The following AVL9 variants were observed in gnomAD, a reference collection of about 807,000 sequenced individuals.
The protein encoded by AVL9 is AVL9 cell migration associated, also known as late secretory pathway protein AVL9 homolog.
In AVL9, 49 loss-of-function variants were observed where a neutral mutation model predicts 79.2. The ratio of observed to expected loss-of-function variants is 0.62; its 90% CI spans 0.49 to 0.79. The LOEUF is 0.79. Ranked by LOEUF, AVL9 falls within the 30% of genes least tolerant of loss-of-function variation. The probability of loss-of-function intolerance (pLI) is 0.00; values close to 1 mark genes in which losing one functional copy is unlikely to be tolerated. For missense variants in AVL9, 682 were observed against 776.8 expected (o/e 0.88, Z 1.45); for synonymous variants, 299 against 280.6 (o/e 1.07, Z -0.65).
intron 11 of AVL9, among the ~76,000 whole-genome samples, chr7:32,570,544 C>T (rs371866462): frequency 5.3e-5 from 8 of 152,120 alleles, no homozygotes; most frequent in Admixed American, 6.5e-5. Flanking sequence ...GATACCAAGA[C>T]GAAAGCTAGG....
At chr7:32,562,710 C>A in intron 10 of AVL9, 1 of 673,276 alleles carries the variant, frequency 1.5e-6, no homozygotes, top group Non-Finnish European at 1.8e-6. Context: ...TGCTTGAAAC[C>A]AGGATCTAGA....
At chr7:32,532,061 T>C (rs1788683338) in intron 1 of AVL9, 1 of 151,992 alleles carries the variant, frequency 6.6e-6, no homozygotes, top group Non-Finnish European at 1.5e-5. Flanking sequence ...AATTGAAGGG[T>C]GGTAAATGCA....
intron 11 of AVL9, among the ~76,000 whole-genome samples, chr7:32,570,951 T>C (rs1263254893): frequency 7.2e-6 from 1 of 139,832 alleles, no homozygotes; most frequent in South Asian, 2.5e-4. Context: ...TTTATGAGGC[T>C]CGGCGCAGTG....
In AVL9 at chr7:32,549,285, C is replaced by T. The variant is rs1022833629; in HGVS notation, c.372+367C>T. On this transcript the variant is annotated intron_variant, in intron 4 of 15. Transcript: ENST00000318709. Reference sequence around the variant, plus strand: ...TGTTGCCCAGGCTGGAGTGTGGTGGCGTGACCTTGGCTTACTGCAACCTCT... The same window carrying T: ...TGTTGCCCAGGCTGGAGTGTGGTGGTGTGACCTTGGCTTACTGCAACCTCT... Among the ~76,000 whole-genome samples the T allele has an allele frequency of 3.3e-5, 5 of 149,872 alleles. No homozygotes were observed. The East Asian group carries it at 5.9e-4, about 18-fold the overall frequency.
intron 14 of AVL9, 163 bp from the exon 15 acceptor site, chr7:32,580,639 A>C: frequency 3.3e-6 from 2 of 605,208 alleles, no homozygotes; most frequent in Non-Finnish European, 5.9e-6. Context: ...AAGGTTAATA[A>C]ATTAATTCAT....
chr7:32,519,188 G>T (rs1788033333), intron 1 of AVL9, among the ~76,000 whole-genome samples: 1 of 152,304 alleles, frequency 6.6e-6, no homozygotes, highest in African/African-American at 2.4e-5. Flanking sequence ...CAGCACTTTG[G>T]GAGGCCGAGG....
At chr7:32,513,263 G>A (rs1210969014) in intron 1 of AVL9, among the ~76,000 whole-genome samples, 1 of 152,162 alleles carries the variant, frequency 6.6e-6, no homozygotes. Context: ...CTCAGCCAGG[G>A]CACCCTAAAA....
At chr7:32,571,092 CATG>C (rs918791558) in intron 11 of AVL9, among the ~76,000 whole-genome samples, 40 of 149,574 alleles carry the variant, frequency 2.7e-4, no homozygotes, top group African/African-American at 8.8e-4. Context: ...ATTAGCCAGA[CATG>C]GTGGTGCATG....
intron 5 of AVL9, 23 bp from the exon 6 acceptor site, chr7:32,552,206 T>A (rs1038120908): frequency 7.6e-6 from 11 of 1,444,042 alleles, no homozygotes; most frequent in Admixed American, 1.7e-5. Flanking sequence ...TAAAATGTGC[T>A]AAATTCAATC....
At chr7:32,543,564 A>G (rs981375024) in intron 2 of AVL9, among the ~76,000 whole-genome samples, 1 of 152,212 alleles carries the variant, frequency 6.6e-6, no homozygotes, top group Non-Finnish European at 1.5e-5. Flanking sequence ...GAGGCAAATC[A>G]GGGGGCTTAC....
chr7:32,505,480 G>A (rs1029416020), intron 1 of AVL9, among the ~76,000 whole-genome samples: 2 of 150,896 alleles, frequency 1.3e-5, no homozygotes, highest in African/African-American at 2.4e-5. Flanking sequence ...CTGAGATCAC[G>A]CCACTATACT....
intron 10 of AVL9, among the ~76,000 whole-genome samples, chr7:32,568,646 A>G (rs1293051065): frequency 6.6e-6 from 1 of 152,136 alleles, no homozygotes; most frequent in Non-Finnish European, 1.5e-5. Context: ...ATAATATCAC[A>G]TATGATATAA....
rs70992725 is a variant in AVL9 at position 32,523,508 on chromosome 7, C to CTTTTTTT, written c.94-19614_94-19608dup. ...ACATGTTAATAGAATTATAAATTTC[C>CTTTTTTT]TTTTTTTTTTTTTTTTTTTTTTTTT... is the stretch of plus-strand genomic sequence containing the variant. On this transcript the variant is annotated intron_variant, in intron 1 of 15. Coordinates refer to ENST00000318709, the MANE Select transcript of AVL9 (RefSeq NM_015060.3). Among the ~76,000 whole-genome samples, 64 of 79,274 alleles carry CTTTTTTT rather than the reference C, an allele frequency of 8.1e-4. 1 individual carries two copies. The highest frequency in any genetic ancestry group is 8.4e-4 in the Non-Finnish European group (38 of 45,434). The allele number at this position is 79,274 out of a possible 152,430, so 52.0% of individuals were successfully genotyped here. A position where few individuals can be genotyped will look rare whatever the true frequency, so the allele number is the denominator to read the frequency against.
chr7:32,499,927 C>T (rs967683095), intron 1 of AVL9, among the ~76,000 whole-genome samples: 1 of 147,866 alleles, frequency 6.8e-6, no homozygotes, highest in Non-Finnish European at 1.5e-5. Flanking sequence ...GACATGAACT[C>T]ATTCTTTTTC....
intron 4 of AVL9, 94 bp from the exon 5 acceptor site, chr7:32,551,240 A>T: frequency 1.3e-6 from 1 of 788,994 alleles, no homozygotes; most frequent in Non-Finnish European, 2.1e-6. Flanking sequence ...CAAATTAAAA[A>T]GTTGTGGGGT....
chr7:32,550,416 G>A (rs573458870), intron 4 of AVL9, among the ~76,000 whole-genome samples: 1 of 152,274 alleles, frequency 6.6e-6, no homozygotes, highest in Non-Finnish European at 1.5e-5. Context: ...CACAAGGGAT[G>A]GGAAGAGGGT....
intron 15 of AVL9, among the ~76,000 whole-genome samples, chr7:32,582,751 G>A (rs111663560): frequency 2.6e-5 from 4 of 152,024 alleles, no homozygotes; most frequent in Non-Finnish European, 4.4e-5. Context: ...AATATGGTGC[G>A]ATCTTGGCTC....
intron 7 of AVL9, 63 bp from the exon 8 acceptor site, chr7:32,554,495 G>T (rs1583567721): frequency 1.9e-6 from 2 of 1,059,416 alleles, no homozygotes; most frequent in East Asian, 5.1e-5. Flanking sequence ...TTTAGGAGGG[G>T]AAAAGATGAA....
In AVL9 at chr7:32,580,861, G is replaced by A. The variant is rs150772071; in HGVS notation, c.1802G>A (p.Arg601Gln). 164 of 1,613,606 alleles carry A rather than the reference G, an allele frequency of 1.0e-4. 1 individual carries two copies. The highest frequency in any genetic ancestry group is 1.0e-3 in the African/African-American group (75 of 74,864). ...GGAAACGTCATGGTCACAACTAGCCGGAATGTTGTACAAACAGGAAAAGCT... is the reference window on the plus strand; with the variant it reads ...GGAAACGTCATGGTCACAACTAGCCAGAATGTTGTACAAACAGGAAAAGCT... ...KIGNVMVTTS[R>Q]NVVQTGKAVG... The change falls in exon 15 of 16, where the codon CGG (arginine) becomes CAG (glutamine). Residue 601 changes from arginine to glutamine, a missense_variant. Physicochemically the swap from Arg to Gln is conservative, Grantham distance 43. Coordinates refer to ENST00000318709, the MANE Select transcript of AVL9 (RefSeq NM_015060.3).
Sources: gnomAD v4.1 joint callset for allele counts (sites outside exome capture counted in the v4.1 genomes callset) on GRCh38, gnomAD v4.1.1 for gene constraint, MANE v1.5 for transcripts, NCBI Gene and HGNC (gene_info 2026-07-23, HGNC 2026-07-21) for gene names.